The following ZCCHC10 variants were observed in gnomAD, a reference collection of about 807,000 sequenced individuals.
ZCCHC10 encodes the protein zinc finger CCHC domain-containing protein 10.
In ZCCHC10, 16 loss-of-function variants were observed where a neutral mutation model predicts 19.5. That is an observed-to-expected ratio of 0.82 (90% CI 0.56 to 1.25). The LOEUF is 1.25. ZCCHC10 is among the 50% of genes most tolerant of loss of function. The pLI is 0.00. For missense variants in ZCCHC10, 197 were observed against 201.0 expected, an observed-to-expected ratio of 0.98 and a Z score of 0.12; for synonymous variants, 67 against 72.5, an observed-to-expected ratio of 0.92 and a Z score of 0.38.
At chr5:133,003,865 G>A (rs1052475736) in intron 3 of ZCCHC10, among the ~76,000 whole-genome samples, 5 of 151,768 alleles carry the variant, frequency 3.3e-5, no homozygotes, top group African/African-American at 4.8e-5. Flanking sequence ...GTGCACCACC[G>A]CACCTAGCTA....
chr5:133,022,454 CAA>C (rs1764377575), intron 2 of ZCCHC10, among the ~76,000 whole-genome samples: 6 of 149,638 alleles, frequency 4.0e-5, no homozygotes, highest in African/African-American at 1.5e-4. Flanking sequence ...TGGTATTGTT[CAA>C]CTTTTTTTTT....
At chr5:133,025,503 C>CAAAAA (rs74843776) in intron 1 of ZCCHC10, among the ~76,000 whole-genome samples, 33 of 18,570 alleles carry the variant, frequency 1.8e-3, no homozygotes, top group East Asian at 7.2e-3. Context: ...GACTCCGCCT[C>CAAAAA]AAAAAAAAAA....
intron 1 of ZCCHC10, among the ~76,000 whole-genome samples, chr5:133,023,316 A>G (rs1561559977): frequency 6.6e-6 from 1 of 152,206 alleles, no homozygotes; most frequent in Non-Finnish European, 1.5e-5. Context: ...AGATGTAAGT[A>G]CAGTTTACAA....
chr5:133,000,384 T>A (rs573693676), intron 3 of ZCCHC10, among the ~76,000 whole-genome samples: 1 of 152,308 alleles, frequency 6.6e-6, no homozygotes, highest in South Asian at 2.1e-4. Context: ...TAACCAGCAT[T>A]TAAGCAAGAC....
At chr5:133,011,646 A>AAC (rs1763539753) in intron 2 of ZCCHC10, among the ~76,000 whole-genome samples, 1 of 151,012 alleles carries the variant, frequency 6.6e-6, no homozygotes, top group Non-Finnish European at 1.5e-5. Context: ...AAAAAAAAAA[A>AAC]AACCTGACTG....
intron 3 of ZCCHC10, among the ~76,000 whole-genome samples, chr5:133,004,308 G>A (rs376277719): frequency 3.3e-5 from 5 of 151,724 alleles, no homozygotes; most frequent in Admixed American, 6.6e-5. Flanking sequence ...CCAAGCAGCT[G>A]GGATTATGGG....
At chr5:133,019,770 C>T (rs150006184) in intron 2 of ZCCHC10, among the ~76,000 whole-genome samples, 11 of 151,502 alleles carry the variant, frequency 7.3e-5, no homozygotes, top group Non-Finnish European at 1.6e-4. Context: ...GCCTGGCCAA[C>T]ATGGTAAAAC....
intron 2 of ZCCHC10, chr5:133,018,916 T>C (rs1764103782): frequency 3.0e-6 from 1 of 332,104 alleles, no homozygotes; most frequent in Non-Finnish European, 5.8e-6. Context: ...AAAATGAAAA[T>C]ATGTGAGGGT....
At chr5:133,012,010 C>T (rs1487569604) in intron 2 of ZCCHC10, among the ~76,000 whole-genome samples, 2 of 151,172 alleles carry the variant, frequency 1.3e-5, no homozygotes, top group Non-Finnish European at 3.0e-5. Context: ...GTGGCAGGCA[C>T]CTGTAGTCCC....
At chr5:133,016,666 C>T (rs906614492) in intron 2 of ZCCHC10, among the ~76,000 whole-genome samples, 14 of 152,158 alleles carry the variant, frequency 9.2e-5, no homozygotes, top group African/African-American at 3.4e-4. Flanking sequence ...TGGTCTTGAA[C>T]TCCTGACCTC....
chr5:133,025,525 A>AAAAAAAAAAAAAAG (rs1561563076), intron 1 of ZCCHC10, among the ~76,000 whole-genome samples: 1 of 124,828 alleles, frequency 8.0e-6, no homozygotes, highest in African/African-American at 3.3e-5. Flanking sequence ...AAAAAAAAAA[A>AAAAAAAAAAAAAAG]AAAAAAAAGA....
At chr5:133,009,696 G>A (rs1252093199) in intron 2 of ZCCHC10, among the ~76,000 whole-genome samples, 4 of 151,710 alleles carry the variant, frequency 2.6e-5, no homozygotes, top group African/African-American at 9.7e-5. Context: ...TTTTGTGCTG[G>A]GTGTGTCTGT....
chr5:132,998,934 G>A (rs1219896577), intron 4 of ZCCHC10, 84 bp from the exon 5 acceptor site: 14 of 1,525,946 alleles, frequency 9.2e-6, no homozygotes, highest in African/African-American at 7.3e-5. Flanking sequence ...TTTTCTTTTC[G>A]AGACAGAGTC....
intron 3 of ZCCHC10, 141 bp downstream of exon 3, chr5:133,006,618 C>G: frequency 1.3e-6 from 1 of 773,082 alleles, no homozygotes; most frequent in Non-Finnish European, 1.9e-6. Context: ...TAGAATAGTA[C>G]TTGGCACACA....
chr5:133,019,559 A>G (rs1381209101), intron 2 of ZCCHC10, among the ~76,000 whole-genome samples: 1 of 152,192 alleles, frequency 6.6e-6, no homozygotes, highest in Non-Finnish European at 1.5e-5. Context: ...TGTTGGCAAA[A>G]GCAGGGAATA....
chr5:133,010,139 C>A (rs969401314), intron 2 of ZCCHC10, among the ~76,000 whole-genome samples: 1 of 151,394 alleles, frequency 6.6e-6, no homozygotes, highest in African/African-American at 2.4e-5. Context: ...GCCTCTGCCC[C>A]CCAGGTTCAA....
At chr5:132,999,000 C>T in intron 4 of ZCCHC10, 150 bp from the exon 5 acceptor site, 2 of 1,069,032 alleles carry the variant, frequency 1.9e-6, no homozygotes, top group South Asian at 1.7e-5. Flanking sequence ...ACTGCAACCT[C>T]TGCCTCCCAG....
intron 2 of ZCCHC10, among the ~76,000 whole-genome samples, chr5:133,016,242 C>CT (rs59152851): frequency 0.33 from 50,151 of 152,042 alleles, 9,701 homozygotes; most frequent in African/African-American, 0.55. Context: ...CATTGCGCTC[C>CT]AGTTAGTGTC....
chr5:133,017,864 G>C (rs912444225), intron 2 of ZCCHC10, among the ~76,000 whole-genome samples: 1 of 152,122 alleles, frequency 6.6e-6, no homozygotes, highest in East Asian at 1.9e-4. Flanking sequence ...TAAAGAGACA[G>C]CCAGGTGTGG....
Sources: gnomAD v4.1 joint callset for allele counts (sites outside exome capture counted in the v4.1 genomes callset) on GRCh38, gnomAD v4.1.1 for gene constraint, MANE v1.5 for transcripts, NCBI Gene and HGNC (gene_info 2026-07-23, HGNC 2026-07-21) for gene names.